The following RETREG1 variants were observed in gnomAD, a reference collection of about 807,000 sequenced individuals.
The protein encoded by RETREG1 is reticulophagy regulator 1, also known as family with sequence similarity 134 member B.
Under a neutral mutation model 54.8 loss-of-function variants are expected in RETREG1, and 44 were observed. The ratio of observed to expected loss-of-function variants is 0.80; its 90% CI spans 0.63 to 1.03. The LOEUF (loss-of-function observed/expected upper bound fraction) is 1.03, where lower values mean the gene tolerates loss of function less well. RETREG1 is among the 50% of genes least tolerant of loss of function. The probability of loss-of-function intolerance (pLI) is 0.00; values close to 1 mark genes in which losing one functional copy is unlikely to be tolerated. For missense variants in RETREG1, 554 were observed against 605.1 expected, an observed-to-expected ratio of 0.92 and a Z score of 0.89; for synonymous variants, 217 against 238.5, an observed-to-expected ratio of 0.91 and a Z score of 0.83.
At chr5:16,515,260 G>A (rs1352496069) in intron 3 of RETREG1, among the ~76,000 whole-genome samples, 3 of 152,090 alleles carry the variant, frequency 2.0e-5, no homozygotes, top group Non-Finnish European at 4.4e-5. Context: ...AGCCCCACAA[G>A]TATCTCCAAG....
intron 1 of RETREG1, among the ~76,000 whole-genome samples, chr5:16,601,747 T>C (rs1743060693): frequency 6.6e-6 from 1 of 152,104 alleles, no homozygotes; most frequent in Non-Finnish European, 1.5e-5. Flanking sequence ...CTGAAAGACA[T>C]AAGTTTCCAG....
Position 16,571,045 on chromosome 5 carries a change from T to G in RETREG1, c.427+951A>C, listed in dbSNP as rs543760163. On this transcript the variant is annotated intron_variant, in intron 2 of 8. Coordinates refer to ENST00000306320, the MANE Select transcript of RETREG1 (RefSeq NM_001034850.3). ...TAAAACAATCTAAAGATGGTTTACA[T>G]GATGAGTTTAAAAACTGTAAAGACT... Among the ~76,000 whole-genome samples the G allele has an allele frequency of 6.6e-5, 10 of 152,302 alleles. No homozygotes were observed. In the East Asian group the frequency reaches 1.7e-3, roughly 26 times the overall value.
intron 3 of RETREG1, among the ~76,000 whole-genome samples, chr5:16,548,913 G>A (rs893359297): frequency 2.6e-5 from 4 of 152,212 alleles, no homozygotes; most frequent in Admixed American, 6.5e-5. Context: ...ACGGCTGCCT[G>A]AGCAGACTAA....
At chr5:16,615,261 G>A (rs1304815522) in intron 1 of RETREG1, among the ~76,000 whole-genome samples, 4 of 151,848 alleles carry the variant, frequency 2.6e-5, no homozygotes, top group African/African-American at 9.7e-5. Context: ...CTGGCCAGGC[G>A]TGGTGGCGGG....
intron 3 of RETREG1, among the ~76,000 whole-genome samples, chr5:16,533,470 A>G (rs923648455): frequency 3.3e-5 from 5 of 152,186 alleles, no homozygotes; most frequent in Admixed American, 2.6e-4. Context: ...GGAAGGAAAT[A>G]TGTCCAAAGG....
intron 3 of RETREG1, among the ~76,000 whole-genome samples, chr5:16,528,876 G>A (rs1428277165): frequency 2.0e-5 from 3 of 152,176 alleles, no homozygotes; most frequent in Non-Finnish European, 4.4e-5. Context: ...AGCAGCCACA[G>A]GCAGTAAGCA....
intron 1 of RETREG1, among the ~76,000 whole-genome samples, chr5:16,603,081 A>C (rs944353150): frequency 2.2e-4 from 33 of 152,188 alleles, no homozygotes; most frequent in African/African-American, 7.7e-4. Context: ...GAGCATAACA[A>C]ACAACAGTCG....
chr5:16,599,955 G>A (rs1220179608), intron 1 of RETREG1, among the ~76,000 whole-genome samples: 4 of 152,134 alleles, frequency 2.6e-5, no homozygotes, highest in Admixed American at 6.6e-5. Flanking sequence ...CCAAAAGCAC[G>A]TCCCCCTGAG....
At chr5:16,554,458 C>A (rs1226688110) in intron 3 of RETREG1, among the ~76,000 whole-genome samples, 5 of 152,196 alleles carry the variant, frequency 3.3e-5, no homozygotes, top group Non-Finnish European at 5.9e-5. Flanking sequence ...CACCTCCCCA[C>A]ATTCACCCTG....
intron 3 of RETREG1, among the ~76,000 whole-genome samples, chr5:16,513,906 TG>T (rs1740264441): frequency 6.6e-6 from 1 of 152,228 alleles, no homozygotes; most frequent in Non-Finnish European, 1.5e-5. Flanking sequence ...TATTTTACGC[TG>T]ACTGGTAACT....
At position 16,593,797 on chromosome 5, in the gene RETREG1, G is replaced by C. The variant is rs1696270711; in HGVS notation, c.321-21695C>G. 6.6e-6 allele frequency among the ~76,000 whole-genome samples: 1 copy of C among 152,192 alleles called. No homozygotes were observed. The highest frequency in any genetic ancestry group is 2.1e-4 in the South Asian group (1 of 4,838). ...TTGCAATGGTGTGGCTGAGGTCAAA[G>C]AGAATGGTGCTCTGCTGACTCATGT... is the stretch of plus-strand genomic sequence containing the variant. On this transcript the variant is annotated intron_variant, in intron 1 of 8. Coordinates refer to ENST00000306320, the MANE Select transcript of RETREG1 (RefSeq NM_001034850.3). This position sits in a 1 kb window ranked among gnomAD's most constrained non-coding sequence, Gnocchi z 4.9.
intron 3 of RETREG1, among the ~76,000 whole-genome samples, chr5:16,493,589 A>G (rs1579602512): frequency 6.6e-6 from 1 of 152,140 alleles, no homozygotes; most frequent in Admixed American, 6.6e-5. Flanking sequence ...TGGCTCATTT[A>G]GATATAAGTC....
At chr5:16,508,690 T>A in intron 3 of RETREG1, 1 of 1,607,684 alleles carries the variant, frequency 6.2e-7, no homozygotes, top group Non-Finnish European at 8.5e-7. Flanking sequence ...AAACAATAGT[T>A]TCTTTTCTAC....
chr5:16,491,904 T>A (rs758889110), intron 3 of RETREG1, among the ~76,000 whole-genome samples: 1 of 152,142 alleles, frequency 6.6e-6, no homozygotes, highest in Non-Finnish European at 1.5e-5. Flanking sequence ...ATGCTTCATA[T>A]ATTCCAAGAC....
chr5:16,551,798 G>T (rs752451076), intron 3 of RETREG1, among the ~76,000 whole-genome samples: 1 of 151,998 alleles, frequency 6.6e-6, no homozygotes, highest in Non-Finnish European at 1.5e-5. Context: ...TGCAGTTCTG[G>T]TGGCCAGACT....
At chr5:16,513,389 CAT>C (rs1415066468) in intron 3 of RETREG1, among the ~76,000 whole-genome samples, 2 of 152,210 alleles carry the variant, frequency 1.3e-5, no homozygotes, top group Admixed American at 6.5e-5. Flanking sequence ...CAAATGGACA[CAT>C]GTCTTTAGAG....
intron 3 of RETREG1, among the ~76,000 whole-genome samples, chr5:16,484,206 C>T (rs1307367291): frequency 6.6e-6 from 1 of 152,050 alleles, no homozygotes; most frequent in East Asian, 1.9e-4. Flanking sequence ...CCCTCATTTT[C>T]CACAGGAACC....
chr5:16,510,825 A>C (rs1221181547), intron 3 of RETREG1, among the ~76,000 whole-genome samples: 7 of 150,618 alleles, frequency 4.6e-5, no homozygotes, highest in African/African-American at 1.2e-4. Flanking sequence ...CAACAAAAAA[A>C]AAAAAAAAAA....
At chr5:16,583,672 CTTGT>C (rs1481003204) in intron 1 of RETREG1, among the ~76,000 whole-genome samples, 1 of 152,130 alleles carries the variant, frequency 6.6e-6, no homozygotes, top group East Asian at 1.9e-4. Context: ...ACACGCAAAT[CTTGT>C]TTGATAATGG....
Sources: gnomAD v4.1 joint callset for allele counts (sites outside exome capture counted in the v4.1 genomes callset) on GRCh38, gnomAD v4.1.1 for gene constraint, Gnocchi (gnomAD v3.1) non-coding constraint, MANE v1.5 for transcripts, NCBI Gene and HGNC (gene_info 2026-07-23, HGNC 2026-07-21) for gene names.